The following ARID3C variants were observed in gnomAD, a reference collection of about 807,000 sequenced individuals.
ARID3C encodes the protein AT-rich interaction domain 3C, also known as AT-rich interactive domain-containing protein 3C.
A neutral mutation model predicts 37.9 loss-of-function variants in ARID3C; 42 were observed. That is an observed-to-expected ratio of 1.11 (90% CI 0.87 to 1.43). The LOEUF (loss-of-function observed/expected upper bound fraction) is 1.43, where lower values mean the gene tolerates loss of function less well. Among genes scored for constraint, ARID3C ranks in the 40% most tolerant of loss-of-function variants. The pLI, the probability that ARID3C is intolerant of heterozygous loss-of-function variation, is 0.00. For missense variants in ARID3C, 581 were observed against 548.8 expected (o/e 1.06, Z -0.59); for synonymous variants, 213 against 228.0 (o/e 0.93, Z 0.59).
In ARID3C at chr9:34,621,464, C is replaced by A. The variant is rs1478978234; in HGVS notation, c.1233G>T (p.Leu411Phe). 3 of 1,524,376 alleles carry A rather than the reference C, an allele frequency of 2.0e-6. No individual in the cohort carries two copies. In the East Asian group the frequency reaches 7.7e-5, roughly 39 times the overall value. The allele number at this position is 1,524,376 out of a possible 1,614,324, so 94.4% of individuals were successfully genotyped here. A position where few individuals can be genotyped will look rare whatever the true frequency, so the allele number is the denominator to read the frequency against. ...TAGTTTCAAGTAGGACCTCTCAGGG[C>A]AAGATGCTGGAAGGGGGCCCTGTGG... is the stretch of plus-strand genomic sequence containing the variant. The change falls in exon 7 of 7, where the codon TTG becomes TTT. Residue 411 changes from leucine (L) to phenylalanine (F), a missense_variant. Leu to Phe is a conservative substitution (Grantham distance 22). Coordinates refer to ENST00000378909, the Ensembl canonical transcript of ARID3C.
At position 34,628,045 on chromosome 9, in the gene ARID3C, G is replaced by A. The variant is rs113481530; in HGVS notation, c.-31C>T. ...CTTCCAGGCGCAGTCCCCCAGCTGA[G>A]GGGGTCCCTGGTACCAGGCGGGACC... On this transcript the variant is annotated 5_prime_UTR_variant, in exon 1 of 7. Transcript: ENST00000378909. This position sits in a 1 kb window ranked among gnomAD's most constrained non-coding sequence, Gnocchi z 5.2. The A allele has an allele frequency of 1.3e-5, 19 of 1,453,470 alleles. No individual in the cohort carries two copies. The highest frequency in any genetic ancestry group is 1.4e-5 in the Non-Finnish European group (16 of 1,103,768). 90.0% of individuals were successfully genotyped at this position (1,453,470 alleles called of 1,614,324 possible).
intron 2 of ARID3C, among the ~76,000 whole-genome samples, chr9:34,624,652 C>T (rs1199099627): frequency 6.6e-6 from 1 of 152,250 alleles, no homozygotes; most frequent in African/African-American, 2.4e-5. Context: ...GCCGCCCCCG[C>T]CGGCCAGTCC....
At chr9:34,623,335 A>T in intron 4 of ARID3C, 90 bp downstream of exon 5, 5 of 1,391,936 alleles carry the variant, frequency 3.6e-6, no homozygotes, top group Non-Finnish European at 4.7e-6. Context: ...GCCTCCCCAG[A>T]CCTCAATCCT....
At chr9:34,630,782 G>A (rs1245739718), upstream of ARID3C, among the ~76,000 whole-genome samples, 2 of 152,152 alleles carry the variant, frequency 1.3e-5, no homozygotes, top group Non-Finnish European at 2.9e-5. Context: ...GCCACGCTGA[G>A]GCTCACCCCA....
At chr9:34,627,447 G>A (rs930373312) in intron 1 of ARID3C, among the ~76,000 whole-genome samples, 13 of 152,266 alleles carry the variant, frequency 8.5e-5, no homozygotes, top group Admixed American at 3.3e-4. Context: ...GTTCGAGACC[G>A]GCCTGGGCAA....
At chr9:34,624,163 C>T in intron 2 of ARID3C, 116 bp from the exon 4 acceptor site, 2 of 1,318,316 alleles carry the variant, frequency 1.5e-6, no homozygotes, top group Non-Finnish European at 2.0e-6. Flanking sequence ...GAGACTTGGG[C>T]GGAGCCCACA....
chr9:34,628,209 T>G, upstream of ARID3C: 1 of 672,572 alleles, frequency 1.5e-6, no homozygotes, highest in South Asian at 2.9e-5. The surrounding 1 kb of genome is among the most constrained non-coding windows in gnomAD (Gnocchi z 5.2). Context: ...AAAGATGGCT[T>G]TCCCAGAGGT....
chr9:34,623,479 A>T, exon 4 of ARID3C: 11 of 1,539,140 alleles, frequency 7.1e-6, no homozygotes, highest in Non-Finnish European at 9.6e-6. Flanking sequence ...GGCAGGCCGG[A>T]GGTGGAACCC....
exon 6 of ARID3C, chr9:34,622,059 T>C (rs764644821): frequency 1.2e-6 from 2 of 1,614,154 alleles, no homozygotes; most frequent in East Asian, 2.2e-5. Context: ...GCCATGTTGA[T>C]ACTGCTGATG....
chr9:34,627,931 C>T (rs372938555), exon 1 of ARID3C: 13 of 1,554,068 alleles, frequency 8.4e-6, no homozygotes, highest in Admixed American at 2.0e-5. Context: ...GGGGAGGCTG[C>T]GGTGGCAGCA....
At chr9:34,628,617 A>G (rs577384035), upstream of ARID3C, among the ~76,000 whole-genome samples, 2 of 152,298 alleles carry the variant, frequency 1.3e-5, no homozygotes, top group Admixed American at 1.3e-4. This position sits in a 1 kb window ranked among gnomAD's most constrained non-coding sequence, Gnocchi z 5.2. Context: ...ACGGACAGAG[A>G]CGGAGAGACA....
Position 34,623,618 on chromosome 9 carries a change from G to A in ARID3C, c.672C>T (p.Gly224=), listed in dbSNP as rs201996168. The stretch of plus-strand genomic sequence containing the variant: ...GAGTAGCGGTGTAAGCCTGGCGACG[G>A]CCCTCGCGCCGATTGCTGTCTATGG... The change falls in exon 4 of 7, where the codon GGC becomes GGT. Residue 224 remains glycine, a synonymous_variant. Coordinates refer to ENST00000378909, the Ensembl canonical transcript of ARID3C. 3.8e-5 allele frequency: 61 copies of A among 1,606,246 alleles called. No individual in the cohort carries two copies. The East Asian group carries it at 1.2e-3, about 31-fold the overall frequency.
At chr9:34,627,982 C>T in exon 1 of ARID3C, 5 of 1,520,008 alleles carry the variant, frequency 3.3e-6, no homozygotes, top group Non-Finnish European at 4.4e-6. Flanking sequence ...CCTGGGCCAG[C>T]CGAGCTGCCT....
At chr9:34,623,921 G>GTGACTTCCCGCCACACTTTGCGGTTGA in exon 3 of ARID3C, 1 of 1,599,194 alleles carries the variant, frequency 6.3e-7, no homozygotes, top group Non-Finnish European at 8.5e-7. Flanking sequence ...GAGGCCGCGC[G>GTGACTTCCCGCCACACTTTGCGGTTGA]TGACTTCCCG....
upstream of ARID3C, among the ~76,000 whole-genome samples, chr9:34,632,933 T>C (rs562070689): frequency 6.6e-6 from 1 of 152,188 alleles, no homozygotes; most frequent in South Asian, 2.1e-4. Context: ...GACAAAAATT[T>C]AGAAGTCAAG....
chr9:34,625,871 C>T, intron 1 of ARID3C, 57 bp from the exon 3 acceptor site: 2 of 1,594,912 alleles, frequency 1.3e-6, no homozygotes. Flanking sequence ...CCTCCCTTGA[C>T]CCCAATTCAG....
At chr9:34,630,772 G>C (rs866152836), upstream of ARID3C, among the ~76,000 whole-genome samples, 1 of 152,204 alleles carries the variant, frequency 6.6e-6, no homozygotes, top group Admixed American at 6.5e-5. Flanking sequence ...CCCATTCCTG[G>C]CCACGCTGAG....
exon 7 of ARID3C, chr9:34,621,506 G>A: frequency 2.6e-6 from 4 of 1,551,548 alleles, no homozygotes; most frequent in Non-Finnish European, 3.4e-6. Flanking sequence ...GGGGTGCAGG[G>A]TTGGTTGGAC....
chr9:34,627,569 G>T, intron 1 of ARID3C, 128 bp downstream of exon 2: 1 of 799,010 alleles, frequency 1.3e-6, no homozygotes. Flanking sequence ...ATAGGTCTCC[G>T]TGTCTCTGTG....
Sources: allele counts gnomAD v4.1 joint callset (sites outside exome capture counted in the v4.1 genomes callset), GRCh38; gene constraint gnomAD v4.1.1; non-coding constraint Gnocchi (gnomAD v3.1); transcripts MANE v1.5; gene names NCBI Gene and HGNC (gene_info 2026-07-23, HGNC 2026-07-21).